PCDHGB6: variants seen among roughly 807,000 people sequenced by gnomAD.
The protein encoded by PCDHGB6 is protocadherin gamma-B6.
A neutral mutation model predicts 59.1 loss-of-function variants in PCDHGB6; 51 were observed. The ratio of observed to expected loss-of-function variants is 0.86; its 90% confidence interval spans 0.69 to 1.09. The LOEUF is 1.09. Among genes scored for constraint, PCDHGB6 ranks in the 50% least tolerant of loss-of-function variants. The probability of loss-of-function intolerance (pLI) is 0.00; values close to 1 mark genes in which losing one functional copy is unlikely to be tolerated. For synonymous variants in PCDHGB6, 466 were observed against 495.1 expected (o/e 0.94, Z 0.78); for missense variants, 1,148 against 1,205.1 (o/e 0.95, Z 0.70).
intron 1 of PCDHGB6, chr5:141,427,298 G>C (rs960474831): frequency 4.4e-6 from 2 of 456,752 alleles, no homozygotes; most frequent in East Asian, 1.4e-4. Context: ...TCCTAGATGA[G>C]AATGACAATG....
At chr5:141,420,537 T>C (rs1246315357) in intron 1 of PCDHGB6, 2 of 317,450 alleles carry the variant, frequency 6.3e-6, no homozygotes, top group Non-Finnish European at 1.1e-5. Context: ...GTTAAAAATA[T>C]AAAATACAGG....
Position 141,487,665 on chromosome 5 carries a change from G to T in PCDHGB6, c.2419-7142G>T, listed in dbSNP as rs373971935. 8.7e-5 allele frequency: 141 copies of T among 1,612,724 alleles called. No individual in the cohort carries two copies. The highest frequency in any genetic ancestry group is 1.1e-4 in the Non-Finnish European group (135 of 1,179,392). On this transcript the variant is annotated intron_variant, in intron 1 of 3. Coordinates refer to ENST00000520790, the MANE Select transcript of PCDHGB6 (RefSeq NM_018926.3). The surrounding 1 kb of genome is among the most constrained non-coding windows in gnomAD (Gnocchi z 5.0). ...ATGCTTGAGGGTTATTCTGATCCAG[G>T]CATATGGCTAGGCCATGTCCTAGAG...
chr5:141,482,736 C>T (rs897817817), intron 1 of PCDHGB6, among the ~76,000 whole-genome samples: 6 of 152,056 alleles, frequency 3.9e-5, no homozygotes, highest in African/African-American at 1.2e-4. Context: ...GCAAGAAATT[C>T]CATGCAGAGG....
chr5:141,485,814 CT>C lies in PCDHGB6; in HGVS notation c.2419-8992del, dbSNP rs2099619658. On this transcript the variant is annotated intron_variant, in intron 1 of 3. Transcript: ENST00000520790. The surrounding 1 kb of genome is among the most constrained non-coding windows in gnomAD (Gnocchi z 5.7). ...TCGGACTACCGCCTGGTGCTGACTGCTGTCGATGGAGGGAACCCGCCGAGAT... is the reference window on the plus strand; with the variant it reads ...TCGGACTACCGCCTGGTGCTGACTGCGTCGATGGAGGGAACCCGCCGAGAT... The C allele has an allele frequency of 6.2e-7, 1 of 1,613,864 alleles. No individual in the cohort carries two copies. Among genetic ancestry groups the C allele is most frequent in the Non-Finnish European group, 8.5e-7 (1 of 1,179,990 alleles).
rs2099417733 is a variant in PCDHGB6, at chr5:141,477,771, G to C, written c.2419-17036G>C. ...ACCCCGGTCCTAGCCACCAACATCAGCGTGAACATATTTGTCACTGATCGC... is the reference window on the plus strand; with the variant it reads ...ACCCCGGTCCTAGCCACCAACATCACCGTGAACATATTTGTCACTGATCGC... On this transcript the variant is annotated intron_variant, in intron 1 of 3. Transcript: ENST00000520790. This position sits in a 1 kb window ranked among gnomAD's most constrained non-coding sequence, Gnocchi z 4.9. 3 of 1,613,992 alleles carry C rather than the reference G, an allele frequency of 1.9e-6. No homozygotes were observed. The highest frequency in any genetic ancestry group is 3.3e-4 in the Middle Eastern group (2 of 6,062).
rs2099383865 is a variant in PCDHGB6, at chr5:141,476,005, A to G, written c.2419-18802A>G. 1 of 1,267,576 alleles carries G rather than the reference A, an allele frequency of 7.9e-7. No homozygotes were observed. Among genetic ancestry groups the G allele is most frequent in the East Asian group, 2.3e-5 (1 of 42,864 alleles). 78.5% of individuals were successfully genotyped at this position (1,267,576 alleles called of 1,614,324 possible). A position where few individuals can be genotyped will look rare whatever the true frequency, so the allele number is the denominator to read the frequency against. ...CGGCGAGCAAATCAACGGCATCCAG[A>G]AAGCCATGTCGGACTCGGCGCCCAG... On this transcript the variant is annotated intron_variant, in intron 1 of 3. Coordinates refer to ENST00000520790, the MANE Select transcript of PCDHGB6 (RefSeq NM_018926.3). This position sits in a 1 kb window ranked among gnomAD's most constrained non-coding sequence, Gnocchi z 7.6.
chr5:141,474,369 G>C (rs1424130168), intron 1 of PCDHGB6, among the ~76,000 whole-genome samples: 1 of 152,184 alleles, frequency 6.6e-6, no homozygotes, highest in Non-Finnish European at 1.5e-5. Flanking sequence ...AGTAGGTCTA[G>C]AGGAGGGCAT....
In PCDHGB6 at chr5:141,410,321, G is replaced by A. The variant is rs749017304; in HGVS notation, c.2119G>A (p.Val707Met). ...ALISVLFLLA[V>M]ILAIALRLRR... ...AATCTCAGTGCTCTTCCTCCTCGCC[G>A]TGATTCTGGCCATTGCCTTGCGCCT... Residue 707 changes from valine (V) to methionine (M), a missense_variant, in exon 1 of 4, where the codon GTG (valine) becomes ATG (methionine). Transcript: ENST00000520790. The A allele has an allele frequency of 3.7e-6, 6 of 1,613,842 alleles. No homozygotes were observed. The East Asian group carries it at 1.1e-4, about 30-fold the overall frequency.
At chr5:141,418,050 G>T in intron 1 of PCDHGB6, 1 of 1,613,576 alleles carries the variant, frequency 6.2e-7, no homozygotes, top group Non-Finnish European at 8.5e-7. Context: ...GTGTCGGCTC[G>T]CGAGCTGCGA....
chr5:141,505,494 A>G lies in PCDHGB6; in HGVS notation c.2566+13A>G. ...GCGTCCGCCAGTGGTAAGTGGTGTC[A>G]GTGTGTGTATGGAAGAGTGGGAGAC... is the stretch of plus-strand genomic sequence containing the variant. On this transcript the variant is annotated intron_variant, in intron 3 of 3. Transcript: ENST00000520790. The G allele has an allele frequency of 6.8e-6, 11 of 1,614,198 alleles. No homozygotes were observed. Among genetic ancestry groups the G allele is most frequent in the Non-Finnish European group, 9.3e-6 (11 of 1,180,006 alleles).
At chr5:141,447,283 G>T (rs1194678678) in intron 1 of PCDHGB6, among the ~76,000 whole-genome samples, 1 of 152,122 alleles carries the variant, frequency 6.6e-6, no homozygotes, top group East Asian at 1.9e-4. Context: ...GGGACTACAG[G>T]CACATGCCAC....
rs762770481 is a variant in PCDHGB6, at chr5:141,432,320, G to GACT, written c.2418+21703_2418+21705dup. On this transcript the variant is annotated intron_variant, in intron 1 of 3. Coordinates refer to ENST00000520790, the MANE Select transcript of PCDHGB6 (RefSeq NM_018926.3). This position sits in a 1 kb window ranked among gnomAD's most constrained non-coding sequence, Gnocchi z 6.0. ...GGTACTGTATGCGCTGAGCTCCTTC[G>GACT]ACTACGAGCAGTTCCGAGACTTGCA... is the stretch of plus-strand genomic sequence containing the variant. The GACT allele has an allele frequency of 2.6e-5, 42 of 1,614,238 alleles. No individual in the cohort carries two copies. The highest frequency in any genetic ancestry group is 3.6e-5 in the Non-Finnish European group (42 of 1,180,038).
Position 141,485,330 on chromosome 5 carries a change from C to T in PCDHGB6, c.2419-9477C>T. On this transcript the variant is annotated intron_variant, in intron 1 of 3. Transcript: ENST00000520790. This position sits in a 1 kb window ranked among gnomAD's most constrained non-coding sequence, Gnocchi z 5.7. ...TGTAGGGAATGTCGCTCAAGATTTC[C>T]TGCTGGATACGGACAGTCTGTCAGC... 6.2e-7 allele frequency: 1 copy of T among 1,614,164 alleles called. No individual in the cohort carries two copies. Among genetic ancestry groups the T allele is most frequent in the East Asian group, 2.2e-5 (1 of 44,862 alleles).
At chr5:141,427,566 C>A (rs1218268757) in intron 1 of PCDHGB6, 1 of 659,032 alleles carries the variant, frequency 1.5e-6, no homozygotes, top group Non-Finnish European at 2.8e-6. Context: ...CAAGGGCAAG[C>A]CTCCGCTCTC....
chr5:141,472,838 T>C (rs1457889821), intron 1 of PCDHGB6, among the ~76,000 whole-genome samples: 1 of 151,464 alleles, frequency 6.6e-6, no homozygotes, highest in Non-Finnish European at 1.5e-5. Context: ...AATAGAAAAT[T>C]AGCTGGGCAT....
chr5:141,466,799 C>T (rs1049340129), intron 1 of PCDHGB6, among the ~76,000 whole-genome samples: 1 of 152,056 alleles, frequency 6.6e-6, no homozygotes, highest in African/African-American at 2.4e-5. Flanking sequence ...CAAACTAGAT[C>T]CTATTCAGAC....
intron 1 of PCDHGB6, chr5:141,427,949 C>T (rs2097092193): frequency 1.3e-6 from 2 of 1,586,882 alleles, no homozygotes; most frequent in South Asian, 1.1e-5. Context: ...ACCTCAATGA[C>T]AATGTGCCGC....
At chr5:141,474,807 A>C (rs945920397) in intron 1 of PCDHGB6, among the ~76,000 whole-genome samples, 8 of 152,364 alleles carry the variant, frequency 5.3e-5, no homozygotes, top group Admixed American at 1.3e-4. Context: ...AGTGGTTTGC[A>C]TCATTAATTG....
Position 141,443,643 on chromosome 5 carries a change from A to C in PCDHGB6, c.2418+33023A>C, listed in dbSNP as rs188777289. The stretch of plus-strand genomic sequence containing the variant: ...GTGATTGTAAAAATTGATCCAGATA[A>C]TGTTAGCATAGCATTTTACTGAACT... On this transcript the variant is annotated intron_variant, in intron 1 of 3. Coordinates refer to ENST00000520790, the MANE Select transcript of PCDHGB6 (RefSeq NM_018926.3). Among the ~76,000 whole-genome samples, 238 of 152,370 alleles carry C rather than the reference A, an allele frequency of 1.6e-3. 2 individuals are homozygous for C. The highest frequency in any genetic ancestry group is 2.5e-3 in the Non-Finnish European group (169 of 68,028).
Sources: gnomAD v4.1 joint callset for allele counts (sites outside exome capture counted in the v4.1 genomes callset) on GRCh38, gnomAD v4.1.1 for gene constraint, Gnocchi (gnomAD v3.1) non-coding constraint, MANE v1.5 for transcripts, NCBI Gene and HGNC (gene_info 2026-07-23, HGNC 2026-07-21) for gene names.